Variants in AIFM3 observed in about 807,000 individuals in gnomAD.
AIFM3 encodes apoptosis-inducing factor 3.
Under a neutral mutation model 82.7 loss-of-function variants are expected in AIFM3, and 71 were observed. The ratio of observed to expected loss-of-function variants is 0.86; its 90% CI spans 0.71 to 1.05. AIFM3 has a LOEUF of 1.05. Among genes scored for constraint, AIFM3 ranks in the 50% least tolerant of loss-of-function variants. The pLI is 0.00. For missense variants in AIFM3, 748 were observed against 816.7 expected (o/e 0.92, Z 1.03); for synonymous variants, 337 against 329.1 (o/e 1.02, Z -0.26).
At chr22:20,980,536 C>T in intron 19 of AIFM3, 1 of 649,388 alleles carries the variant, frequency 1.5e-6, no homozygotes, top group Admixed American at 2.4e-5. Flanking sequence ...CACTCAACAC[C>T]AGCCAGTTCC....
chr22:20,979,813 G>A (rs1223553694), intron 18 of AIFM3, 111 bp downstream of exon 18: 1 of 1,372,594 alleles, frequency 7.3e-7, no homozygotes, highest in Non-Finnish European at 1.0e-6. Flanking sequence ...GCCCCGCTGA[G>A]GAGTGCTGGA....
At chr22:20,979,183 G>A in intron 16 of AIFM3, 88 bp from the exon 17 acceptor site, 1 of 1,322,024 alleles carries the variant, frequency 7.6e-7, no homozygotes, top group Non-Finnish European at 1.1e-6. Context: ...GTAGCCACAC[G>A]TGTCAGGGGT....
intron 2 of AIFM3, among the ~76,000 whole-genome samples, chr22:20,971,913 C>T (rs879834497): frequency 3.3e-5 from 5 of 151,852 alleles, no homozygotes; most frequent in Admixed American, 6.6e-5. Flanking sequence ...GCTCACTCCC[C>T]GCTAGAGCTG....
In AIFM3 at chr22:20,967,909, T is replaced by C. The variant is rs746544875; in HGVS notation, c.-36T>C. On this transcript the variant is annotated 5_prime_UTR_variant, in exon 2 of 21. Coordinates refer to ENST00000440238, the MANE Select transcript of AIFM3 (RefSeq NM_001386814.1). ...TAGGCCTCCGACAGCTCCCCATCTG[T>C]GCTCCTGCCTGCCGGCCATCCTCAG... is the stretch of plus-strand genomic sequence containing the variant. 1.9e-6 allele frequency: 3 copies of C among 1,613,886 alleles called. No individual in the cohort carries two copies. The highest frequency in any genetic ancestry group is 2.2e-5 in the South Asian group (2 of 91,094).
Position 20,976,874 on chromosome 22 carries a change from A to G in AIFM3, c.1154A>G (p.Glu385Gly). The stretch of plus-strand genomic sequence containing the variant: ...GCCCACTTGCCCTGACAGATGTTTG[A>G]GAACAACCGGGTGAAGTTCTACATG... ...RVGRALMKMF[E>G]NNRVKFYMQT... Residue 385 changes from glutamate to glycine, a missense_variant, in exon 13 of 21, where the codon GAG (glutamate) becomes GGG (glycine). By Grantham distance (98) the Glu-to-Gly change is moderately conservative. Around this residue, in one of 5 missense-constraint regions of AIFM3, gnomAD observed 393 missense variants for 481.1 expected, o/e 0.82. Coordinates refer to ENST00000440238, the MANE Select transcript of AIFM3 (RefSeq NM_001386814.1). 4 of 1,601,328 alleles carry G rather than the reference A, an allele frequency of 2.5e-6. No homozygotes were observed. Among genetic ancestry groups the G allele is most frequent in the Non-Finnish European group, 3.4e-6 (4 of 1,171,974 alleles).
At chr22:20,967,673 G>T (rs1922984345) in intron 1 of AIFM3, 132 bp from the exon 2 acceptor site, 7 of 554,456 alleles carry the variant, frequency 1.3e-5, no homozygotes, top group Non-Finnish European at 2.2e-5. Flanking sequence ...CCACGCTCTG[G>T]GATCAGGCTC....
Position 20,980,995 on chromosome 22 carries a change from T to C in AIFM3, c.1782T>C (p.Thr594=). 2 of 1,614,182 alleles carry C rather than the reference T, an allele frequency of 1.2e-6. No individual in the cohort carries two copies. The highest frequency in any genetic ancestry group is 8.5e-7 in the Non-Finnish European group (1 of 1,180,018). ...CCTCCTCCCCTCACTCCTGCAGGAC[T>C]GGCGACATGTCCTGGCTTACGGGGA... ...EVELFVLHSK[T]GDMSWLTGKG... The change falls in exon 21 of 21, where the codon ACT becomes ACC. Residue 594 remains threonine (T), a synonymous_variant. Coordinates refer to ENST00000440238, the MANE Select transcript of AIFM3 (RefSeq NM_001386814.1).
Position 20,980,032 on chromosome 22 carries a change from G to T in AIFM3, c.1665G>T (p.Val555=). 1.2e-6 allele frequency: 2 copies of T among 1,610,898 alleles called. No individual in the cohort carries two copies. Among genetic ancestry groups the T allele is most frequent in the Non-Finnish European group, 8.5e-7 (1 of 1,179,836 alleles). ...FVAFYTKGDE[V]IAVASMNYDP... ...CCTCTCCTTGCAGAGGCGACGAGGT[G>T]ATCGCCGTGGCCAGCATGAACTACG... The change falls in exon 19 of 21, where the codon GTG becomes GTT. Residue 555 remains valine (V), a synonymous_variant. Transcript: ENST00000440238.
At chr22:20,979,420 G>T in intron 17 of AIFM3, 51 bp downstream of exon 17, 2 of 1,518,460 alleles carry the variant, frequency 1.3e-6, no homozygotes, top group South Asian at 1.2e-5. Context: ...TTAGGGGCGG[G>T]GCTTGGGTGT....
intron 2 of AIFM3, among the ~76,000 whole-genome samples, chr22:20,970,298 A>G (rs2147936719): frequency 6.6e-6 from 1 of 152,008 alleles, no homozygotes; most frequent in East Asian, 1.9e-4. Context: ...TTTTATTTTC[A>G]TTTTTTGAGA....
rs1923800446 is a variant in AIFM3 at position 20,977,884 on chromosome 22, A to G, written c.1360-4A>G. On this transcript the variant is annotated splice_polypyrimidine_tract_variant and splice_region_variant and intron_variant, in intron 15 of 20. Coordinates refer to ENST00000440238, the MANE Select transcript of AIFM3 (RefSeq NM_001386814.1). ...CCATGGAGCTCTGGGCCCTCTCTCTACAGATGATGCAGACCAATGTCCCAG... is the reference window on the plus strand; with the variant it reads ...CCATGGAGCTCTGGGCCCTCTCTCTGCAGATGATGCAGACCAATGTCCCAG... 1.2e-6 allele frequency: 2 copies of G among 1,614,028 alleles called. No homozygotes were observed. Among genetic ancestry groups the G allele is most frequent in the Non-Finnish European group, 1.7e-6 (2 of 1,180,016 alleles).
upstream of AIFM3, among the ~76,000 whole-genome samples, chr22:20,966,013 C>T (rs1480719679): frequency 1.3e-5 from 2 of 152,138 alleles, no homozygotes; most frequent in African/African-American, 4.8e-5. Context: ...GGACCTTTGC[C>T]TTTGAGTGGG....
rs752740470 is a variant in AIFM3 at position 20,980,170 on chromosome 22, A to C, written c.1757+46A>C. On this transcript the variant is annotated intron_variant, in intron 19 of 20. Transcript: ENST00000440238. ...CCTGGGGGTGGGAGTAGTTCCCTGGAGTACTGGCTAAGGTGCCTATGACAG... is the reference window on the plus strand; with the variant it reads ...CCTGGGGGTGGGAGTAGTTCCCTGGCGTACTGGCTAAGGTGCCTATGACAG... The C allele has an allele frequency of 3.2e-5, 50 of 1,573,506 alleles. No individual in the cohort carries two copies. In the East Asian group the frequency reaches 1.1e-3, roughly 35 times the overall value.
In AIFM3 at chr22:20,980,009, T is replaced by G. The variant is rs768999905; in HGVS notation, c.1653-11T>G. Reference sequence around the variant, plus strand: ...TCGCAGTCCTCAGGCTTGGCCATCCTCTCCTTGCAGAGGCGACGAGGTGAT... The same window carrying G: ...TCGCAGTCCTCAGGCTTGGCCATCCGCTCCTTGCAGAGGCGACGAGGTGAT... On this transcript the variant is annotated splice_polypyrimidine_tract_variant and intron_variant, in intron 18 of 20. Transcript: ENST00000440238. 2 of 1,608,720 alleles carry G rather than the reference T, an allele frequency of 1.2e-6. No individual in the cohort carries two copies. The highest frequency in any genetic ancestry group is 1.7e-6 in the Non-Finnish European group (2 of 1,179,076).
At position 20,977,654 on chromosome 22, in the gene AIFM3, C is replaced by T. The variant is rs767735570; in HGVS notation, c.1283-46C>T. 17 of 1,611,402 alleles carry T rather than the reference C, an allele frequency of 1.1e-5. No individual in the cohort carries two copies. In the East Asian group the frequency reaches 3.8e-4, roughly 36 times the overall value. On this transcript the variant is annotated intron_variant, in intron 14 of 20. Coordinates refer to ENST00000440238, the MANE Select transcript of AIFM3 (RefSeq NM_001386814.1). ...CTGTAGGGTGTGGAGAGTGACTACG[C>T]AGAAGGCAGGGACAGGGGAGTGGAC... is the stretch of plus-strand genomic sequence containing the variant.
intron 5 of AIFM3, 37 bp downstream of exon 5, chr22:20,974,209 G>A (rs1891826860): frequency 6.2e-7 from 1 of 1,613,442 alleles, no homozygotes; most frequent in Non-Finnish European, 8.5e-7. Flanking sequence ...GAACCTGGGG[G>A]TGTGGGGTTC....
chr22:20,974,002 A>G, intron 4 of AIFM3, 61 bp from the exon 5 acceptor site: 1 of 1,531,280 alleles, frequency 6.5e-7, no homozygotes, highest in Non-Finnish European at 8.8e-7. Context: ...TTGCCGGGGC[A>G]CTGAGATCCT....
Position 20,976,209 on chromosome 22 carries a change from T to C in AIFM3, c.808-6T>C. On this transcript the variant is annotated splice_polypyrimidine_tract_variant and splice_region_variant and intron_variant, in intron 9 of 20. Coordinates refer to ENST00000440238, the MANE Select transcript of AIFM3 (RefSeq NM_001386814.1). Reference sequence around the variant, plus strand: ...AAGCTCATGCTCTGCCTGGTGGGGATTGCAGGTGGTCACAGTGGACGTGAG... The same window carrying C: ...AAGCTCATGCTCTGCCTGGTGGGGACTGCAGGTGGTCACAGTGGACGTGAG... The C allele has an allele frequency of 6.2e-7, 1 of 1,612,360 alleles. No homozygotes were observed. The highest frequency in any genetic ancestry group is 8.5e-7 in the Non-Finnish European group (1 of 1,179,516).
chr22:20,974,132 T>C lies in AIFM3; in HGVS notation c.425T>C (p.Leu142Pro), dbSNP rs1051028537. Residue 142 changes from leucine to proline, a missense_variant, in exon 5 of 21, where the codon CTG (leucine) becomes CCG (proline). This residue lies in a region of AIFM3 where 393 missense variants were observed against 481.1 expected (regional missense o/e 0.82). Transcript: ENST00000440238. ...TGCTTCAACATCAGCACTGGGGACCTGGAGGACTTCCCTGGCCTGGACAGT... is the reference window on the plus strand; with the variant it reads ...TGCTTCAACATCAGCACTGGGGACCCGGAGGACTTCCCTGGCCTGGACAGT... ...GACFNISTGDLEDFPGLDSLH... is the reference protein window; with the variant it reads ...GACFNISTGDPEDFPGLDSLH... The C allele has an allele frequency of 6.2e-7, 1 of 1,612,764 alleles. No homozygotes were observed. The highest frequency in any genetic ancestry group is 8.5e-7 in the Non-Finnish European group (1 of 1,179,828).
Sources: allele counts gnomAD v4.1 joint callset (sites outside exome capture counted in the v4.1 genomes callset), GRCh38; gene constraint gnomAD v4.1.1; regional missense constraint gnomAD v4.1.1; transcripts MANE v1.5; gene names NCBI Gene and HGNC (gene_info 2026-07-23, HGNC 2026-07-21).